GRM7: variants seen among roughly 807,000 people sequenced by gnomAD.
GRM7 encodes the protein metabotropic glutamate receptor 7.
GRM7 carries 35 observed loss-of-function variants against 84.5 expected under a neutral mutation model. The observed-to-expected ratio is 0.41, with a 90% confidence interval of 0.32 to 0.55. The LOEUF is 0.55. Among genes scored for constraint, GRM7 ranks in the 20% least tolerant of loss-of-function variants. The probability of loss-of-function intolerance (pLI) is 0.19; values close to 1 mark genes in which losing one functional copy is unlikely to be tolerated. For synonymous variants in GRM7, 487 were observed against 455.1 expected (o/e 1.07, Z -0.89); for missense variants, 1,003 against 1,194.6 (o/e 0.84, Z 2.36).
At chr3:7,490,984 T>G (rs1304046180) in intron 7 of GRM7, among the ~76,000 whole-genome samples, 1 of 151,972 alleles carries the variant, frequency 6.6e-6, no homozygotes, top group Non-Finnish European at 1.5e-5. Flanking sequence ...TGAAAATAAT[T>G]AAAATATTTT....
At chr3:7,135,550 C>A (rs1693743845) in intron 1 of GRM7, among the ~76,000 whole-genome samples, 1 of 152,168 alleles carries the variant, frequency 6.6e-6, no homozygotes, top group South Asian at 2.1e-4. Flanking sequence ...GTACTGCCCA[C>A]ATATGCAAAT....
intron 5 of GRM7, among the ~76,000 whole-genome samples, chr3:7,446,734 A>G (rs1697531628): frequency 6.6e-6 from 1 of 152,052 alleles, no homozygotes; most frequent in Non-Finnish European, 1.5e-5. Context: ...TGCTGGGATT[A>G]CTGGCGTGAG....
At chr3:7,585,730 C>T (rs933684286) in intron 8 of GRM7, among the ~76,000 whole-genome samples, 2 of 152,108 alleles carry the variant, frequency 1.3e-5, no homozygotes, top group East Asian at 3.9e-4. Flanking sequence ...GCCACAGGGA[C>T]CCAGGCCTCA....
intron 1 of GRM7, among the ~76,000 whole-genome samples, chr3:7,046,936 A>G (rs1013081595): frequency 6.6e-6 from 1 of 152,088 alleles, no homozygotes; most frequent in African/African-American, 2.4e-5. Context: ...CTGTACATGA[A>G]TAAAGAGTAA....
intron 1 of GRM7, among the ~76,000 whole-genome samples, chr3:6,887,866 A>G (rs141143013): frequency 0.023 from 3,473 of 152,140 alleles, 145 homozygotes; most frequent in African/African-American, 0.078. Flanking sequence ...AAGCATTCCT[A>G]TTTCTCCACA....
intron 2 of GRM7, among the ~76,000 whole-genome samples, chr3:7,171,502 A>C (rs1252784818): frequency 1.3e-5 from 2 of 152,172 alleles, no homozygotes; most frequent in African/African-American, 4.8e-5. Context: ...TTATGGCACC[A>C]CACACTTCCA....
intron 7 of GRM7, among the ~76,000 whole-genome samples, chr3:7,516,654 G>A (rs917480777): frequency 2.3e-4 from 35 of 152,084 alleles, no homozygotes; most frequent in African/African-American, 7.0e-4. Context: ...AGGACTAGAG[G>A]TATGAGCTGG....
At chr3:7,607,729 CTTTTTTTTT>C (rs3031901) in intron 8 of GRM7, 12 of 109,236 alleles carry the variant, frequency 1.1e-4, no homozygotes, top group Admixed American at 4.0e-4. Context: ...GCACACTTTC[CTTTTTTTTT>C]TTTTTTTTTT....
chr3:6,962,860 A>C (rs1446933147), intron 1 of GRM7, among the ~76,000 whole-genome samples: 1 of 152,242 alleles, frequency 6.6e-6, no homozygotes, highest in Admixed American at 6.5e-5. Context: ...TTTTTCTTAA[A>C]AAAGAAAAGG....
At chr3:7,103,805 T>TCTTC (rs1491446681) in intron 1 of GRM7, among the ~76,000 whole-genome samples, 1 of 111,024 alleles carries the variant, frequency 9.0e-6, no homozygotes, top group Non-Finnish European at 1.8e-5. Context: ...TTTCTTTCTT[T>TCTTC]CTTTCTTTCT....
At chr3:7,122,088 C>G (rs1022501191) in intron 1 of GRM7, among the ~76,000 whole-genome samples, 1 of 152,172 alleles carries the variant, frequency 6.6e-6, no homozygotes. Flanking sequence ...CAAATAAAAT[C>G]TCTTTTCTTT....
intron 7 of GRM7, among the ~76,000 whole-genome samples, chr3:7,504,541 G>A (rs919336350): frequency 6.6e-6 from 1 of 152,206 alleles, no homozygotes; most frequent in Non-Finnish European, 1.5e-5. Context: ...CAATAGCATG[G>A]TGTCTGCATC....
intron 1 of GRM7, among the ~76,000 whole-genome samples, chr3:7,115,428 C>T (rs1271539126): frequency 6.6e-6 from 1 of 152,234 alleles, no homozygotes; most frequent in South Asian, 2.1e-4. Context: ...CTCAAATCCC[C>T]CTTTTCCTGT....
At chr3:7,163,231 T>C (rs1030632360) in intron 2 of GRM7, among the ~76,000 whole-genome samples, 3 of 152,170 alleles carry the variant, frequency 2.0e-5, no homozygotes, top group Admixed American at 6.5e-5. Context: ...TATAACAGCA[T>C]ATTGTGCTTT....
At chr3:6,880,874 C>G (rs1056146739) in intron 1 of GRM7, among the ~76,000 whole-genome samples, 27 of 152,242 alleles carry the variant, frequency 1.8e-4, no homozygotes, top group Non-Finnish European at 2.8e-4. Flanking sequence ...GAAAGGTAAG[C>G]AATGTGTGTA....
chr3:7,003,445 G>A (rs373010750), intron 1 of GRM7, among the ~76,000 whole-genome samples: 48 of 151,954 alleles, frequency 3.2e-4, no homozygotes, highest in Non-Finnish European at 5.7e-4. Context: ...TATAAGGAGC[G>A]CATGCAATTG....
chr3:7,362,340 ATAC>A (rs772508227), intron 4 of GRM7, among the ~76,000 whole-genome samples: 24 of 114,400 alleles, frequency 2.1e-4, no homozygotes, highest in Non-Finnish European at 3.4e-4. Context: ...GTTTTAAAGA[ATAC>A]ACACACACAC....
intron 1 of GRM7, among the ~76,000 whole-genome samples, chr3:7,005,424 C>T (rs910236722): frequency 3.3e-5 from 5 of 152,190 alleles, no homozygotes; most frequent in Non-Finnish European, 5.9e-5. Context: ...TCAATTTTAA[C>T]CTATAATCCT....
intron 2 of GRM7, among the ~76,000 whole-genome samples, chr3:7,219,044 T>C (rs1696708398): frequency 6.6e-6 from 1 of 152,176 alleles, no homozygotes; most frequent in South Asian, 2.1e-4. Context: ...GTATGAATTA[T>C]GTTTTATTTT....
Sources: allele counts gnomAD v4.1 joint callset (sites outside exome capture counted in the v4.1 genomes callset), GRCh38; gene constraint gnomAD v4.1.1; transcripts MANE v1.5; gene names NCBI Gene and HGNC (gene_info 2026-07-23, HGNC 2026-07-21).